Variants in TCF12 observed in about 807,000 individuals in gnomAD.
TCF12 encodes DNA-binding protein HTF4.
Under a neutral mutation model 86.0 loss-of-function variants are expected in TCF12, and 45 were observed. The observed-to-expected ratio is 0.52, with a 90% confidence interval of 0.41 to 0.67. TCF12 has a LOEUF of 0.67. TCF12 is among the 30% of genes least tolerant of loss of function. The probability of loss-of-function intolerance (pLI) is 0.00; values close to 1 mark genes in which losing one functional copy is unlikely to be tolerated. For synonymous variants in TCF12, 330 were observed against 299.6 expected (o/e 1.10, Z -1.05); for missense variants, 881 against 859.9 (o/e 1.02, Z -0.31).
chr15:56,977,180 C>A (rs2062649392), intron 3 of TCF12, among the ~76,000 whole-genome samples: 1 of 152,012 alleles, frequency 6.6e-6, no homozygotes, highest in Non-Finnish European at 1.5e-5. Context: ...AGTTCAAAAT[C>A]AAGATGTTGC....
chr15:57,150,174 T>A (rs2053639272), intron 5 of TCF12, among the ~76,000 whole-genome samples: 1 of 152,044 alleles, frequency 6.6e-6, no homozygotes. Context: ...GGACTAGGAT[T>A]TATAGGGTAA....
At chr15:57,096,195 C>T (rs1202305410) in intron 5 of TCF12, among the ~76,000 whole-genome samples, 3 of 152,046 alleles carry the variant, frequency 2.0e-5, no homozygotes, top group South Asian at 4.1e-4. Flanking sequence ...GACACCATTG[C>T]GTATCAGTTG....
At chr15:57,169,047 A>T (rs2055110591) in intron 6 of TCF12, among the ~76,000 whole-genome samples, 1 of 152,138 alleles carries the variant, frequency 6.6e-6, no homozygotes, top group African/African-American at 2.4e-5. Flanking sequence ...TTCTGTCTCA[A>T]AAATAAATAA....
chr15:56,952,331 C>T (rs1402747665), intron 3 of TCF12, among the ~76,000 whole-genome samples: 1 of 149,514 alleles, frequency 6.7e-6, no homozygotes, highest in African/African-American at 2.5e-5. Flanking sequence ...TATAGTCTTC[C>T]AGATTTGTTT....
chr15:57,040,241 A>G (rs1238900776), intron 3 of TCF12, among the ~76,000 whole-genome samples: 1 of 152,122 alleles, frequency 6.6e-6, no homozygotes, highest in Non-Finnish European at 1.5e-5. Context: ...CTGAACCATT[A>G]ATTTATCGTT....
At chr15:57,054,295 A>G (rs553906964) in intron 3 of TCF12, among the ~76,000 whole-genome samples, 4 of 152,322 alleles carry the variant, frequency 2.6e-5, no homozygotes, top group African/African-American at 9.6e-5. Context: ...GTGTTAGGTA[A>G]TCAGCAAAAA....
chr15:57,121,159 T>C (rs2051200449), intron 5 of TCF12, among the ~76,000 whole-genome samples: 1 of 152,208 alleles, frequency 6.6e-6, no homozygotes, highest in Admixed American at 6.5e-5. Flanking sequence ...TGATGACATC[T>C]ACCAGTGAGG....
chr15:57,252,927 C>CT (rs57946842), intron 15 of TCF12, among the ~76,000 whole-genome samples: 2,769 of 89,754 alleles, frequency 0.031, 67 homozygotes, highest in African/African-American at 0.038. Context: ...ATAGGTTGTA[C>CT]TTTTTTTTTT....
chr15:57,218,911 A>T, intron 8 of TCF12: 1 of 437,806 alleles, frequency 2.3e-6, no homozygotes, highest in East Asian at 8.3e-5. Flanking sequence ...AGGTATTTGC[A>T]TGATGGTCTG....
intron 8 of TCF12, chr15:57,219,069 G>GGT (rs2058456755): frequency 9.5e-7 from 1 of 1,054,108 alleles, no homozygotes; most frequent in East Asian, 5.4e-5. Flanking sequence ...TAACGCTGGA[G>GGT]GTGTAGCAAG....
chr15:56,976,127 TA>T (rs1271620995), intron 3 of TCF12, among the ~76,000 whole-genome samples: 3 of 151,956 alleles, frequency 2.0e-5, no homozygotes, highest in African/African-American at 7.3e-5. Context: ...CATTTTTTTT[TA>T]AAGTGGAAAA....
intron 5 of TCF12, among the ~76,000 whole-genome samples, chr15:57,141,258 T>A (rs1261770982): frequency 1.3e-5 from 2 of 152,226 alleles, no homozygotes; most frequent in African/African-American, 4.8e-5. Context: ...CCCCAGATAT[T>A]GATGCAGTTT....
chr15:56,944,118 A>T (rs747140916), intron 3 of TCF12, among the ~76,000 whole-genome samples: 1 of 152,166 alleles, frequency 6.6e-6, no homozygotes, highest in Non-Finnish European at 1.5e-5. Context: ...TTGAAATTTT[A>T]TTTAATGTGT....
At chr15:57,192,608 G>A (rs2057043461) in intron 7 of TCF12, among the ~76,000 whole-genome samples, 1 of 151,888 alleles carries the variant, frequency 6.6e-6, no homozygotes. Flanking sequence ...GGCTGCTCTC[G>A]AACTCCTGAT....
At chr15:57,250,110 A>G (rs767542343) in intron 13 of TCF12, among the ~76,000 whole-genome samples, 1 of 152,138 alleles carries the variant, frequency 6.6e-6, no homozygotes, top group Non-Finnish European at 1.5e-5. Flanking sequence ...ACAAGTTTTT[A>G]TAACATTTTC....
At chr15:57,205,055 A>G (rs1003252581) in intron 8 of TCF12, among the ~76,000 whole-genome samples, 3 of 152,118 alleles carry the variant, frequency 2.0e-5, no homozygotes, top group Non-Finnish European at 2.9e-5. Context: ...GCTCTCACCT[A>G]TAATCCCAAA....
rs1233703623 is a variant in TCF12 at position 57,288,805 on chromosome 15, C to T, written c.*2660C>T. 1 of 152,098 alleles carries T rather than the reference C, an allele frequency of 6.6e-6. No homozygotes were observed. Among genetic ancestry groups the T allele is most frequent in the African/African-American group, 2.4e-5 (1 of 41,408 alleles). The allele number at this position is 152,098 out of a possible 1,614,324, so 9.4% of individuals were successfully genotyped here. A position where few individuals can be genotyped will look rare whatever the true frequency, so the allele number is the denominator to read the frequency against. ...AACTAGTAGTTATAGAAAATCTACTCATTTGTAGATACAGAGAAAAATGAA... is the reference window on the plus strand; with the variant it reads ...AACTAGTAGTTATAGAAAATCTACTTATTTGTAGATACAGAGAAAAATGAA... On this transcript the variant is annotated 3_prime_UTR_variant, in exon 21 of 21. Coordinates refer to ENST00000333725, the MANE Select transcript of TCF12 (RefSeq NM_207037.2).
chr15:56,932,581 T>C (rs2060294812), intron 3 of TCF12, among the ~76,000 whole-genome samples: 1 of 152,076 alleles, frequency 6.6e-6, no homozygotes, highest in East Asian at 1.9e-4. Context: ...ATTATTATTA[T>C]TTTGGGAGAC....
chr15:57,143,349 C>T (rs774868391), intron 5 of TCF12, among the ~76,000 whole-genome samples: 9 of 152,070 alleles, frequency 5.9e-5, no homozygotes, highest in East Asian at 1.9e-4. Flanking sequence ...ACATACACAC[C>T]GAAGTATTTT....
Sources: gnomAD v4.1 joint callset for allele counts (sites outside exome capture counted in the v4.1 genomes callset) on GRCh38, gnomAD v4.1.1 for gene constraint, MANE v1.5 for transcripts, NCBI Gene and HGNC (gene_info 2026-07-23, HGNC 2026-07-21) for gene names.